The following ROBO2 variants were observed in gnomAD, a reference collection of about 807,000 sequenced individuals.
The protein encoded by ROBO2 is roundabout homolog 2.
ROBO2 carries 53 observed loss-of-function variants against 160.8 expected under a neutral mutation model. The observed-to-expected ratio is 0.33, with a 90% CI of 0.26 to 0.41. ROBO2 has a LOEUF of 0.41. Ranked by LOEUF, ROBO2 falls within the 10% of genes least tolerant of loss-of-function variation. The pLI is 1.00. For missense variants in ROBO2, 1,577 were observed against 1,722.4 expected, an observed-to-expected ratio of 0.92 and a Z score of 1.49; for synonymous variants, 664 against 611.7, an observed-to-expected ratio of 1.09 and a Z score of -1.26.
chr3:76,507,578 A>G (rs974805365), intron 2 of ROBO2, among the ~76,000 whole-genome samples: 2 of 152,124 alleles, frequency 1.3e-5, no homozygotes, highest in Non-Finnish European at 2.9e-5. Flanking sequence ...AACCAGCTAT[A>G]AAAGAGCTTA....
intron 2 of ROBO2, among the ~76,000 whole-genome samples, chr3:76,592,265 C>G (rs1327702885): frequency 6.6e-6 from 1 of 151,982 alleles, no homozygotes; most frequent in African/African-American, 2.4e-5. Context: ...GGGTTGTTTT[C>G]CCTGTACAGA....
chr3:76,734,348 C>T (rs1352113687), intron 2 of ROBO2, among the ~76,000 whole-genome samples: 1 of 152,114 alleles, frequency 6.6e-6, no homozygotes, highest in African/African-American at 2.4e-5. Context: ...TTAGTGATTG[C>T]CCAATGACAA....
At chr3:77,329,226 A>T (rs528057951) in intron 2 of ROBO2, among the ~76,000 whole-genome samples, 49 of 152,324 alleles carry the variant, frequency 3.2e-4, no homozygotes, top group Non-Finnish European at 6.2e-4. Flanking sequence ...AGCTTTTAAG[A>T]AAAAGAGGAA....
chr3:77,147,049 T>C (rs2077178733), intron 2 of ROBO2, among the ~76,000 whole-genome samples: 1 of 152,210 alleles, frequency 6.6e-6, no homozygotes, highest in Non-Finnish European at 1.5e-5. Context: ...CTGGGATATA[T>C]GCAATATGCA....
In ROBO2 at chr3:77,215,035, G is replaced by A. The variant is rs904434580; in HGVS notation, c.388+116695G>A. Among the ~76,000 whole-genome samples the A allele has an allele frequency of 1.8e-3, 278 of 152,144 alleles. 2 individuals carry two copies. Among genetic ancestry groups the A allele is most frequent in the Non-Finnish European group, 3.5e-3 (235 of 68,006 alleles). The stretch of plus-strand genomic sequence containing the variant: ...ACATTTTTTCCTTCATTTCAACTTT[G>A]GTGAATCTGACAATTATGTGTCTTG... On this transcript the variant is annotated intron_variant, in intron 2 of 25. Transcript: ENST00000461745.
chr3:76,883,495 G>T (rs1486531326), intron 2 of ROBO2, among the ~76,000 whole-genome samples: 2 of 152,104 alleles, frequency 1.3e-5, no homozygotes, highest in African/African-American at 2.4e-5. Context: ...GAATAATGAG[G>T]TGACTTCGGT....
intron 2 of ROBO2, among the ~76,000 whole-genome samples, chr3:76,918,620 GT>G (rs1160685442): frequency 1.3e-5 from 2 of 152,164 alleles, no homozygotes; most frequent in South Asian, 2.1e-4. Context: ...TTGATCATGA[GT>G]TTTTTTGGTT....
At chr3:77,085,151 C>G (rs1014721093) in intron 1 of ROBO2, among the ~76,000 whole-genome samples, 1 of 152,102 alleles carries the variant, frequency 6.6e-6, no homozygotes, top group Non-Finnish European at 1.5e-5. Context: ...AGTTTGCAAT[C>G]TAAATGTAAC....
intron 2 of ROBO2, chr3:76,434,456 G>C: frequency 1.0e-5 from 16 of 1,553,384 alleles, no homozygotes; most frequent in Non-Finnish European, 1.4e-5. Flanking sequence ...TGGCACTTAT[G>C]TGAAAGAAAT....
intron 2 of ROBO2, among the ~76,000 whole-genome samples, chr3:76,050,519 C>T (rs1178098428): frequency 6.6e-6 from 1 of 152,140 alleles, no homozygotes; most frequent in Admixed American, 6.5e-5. Context: ...TTCATGTATA[C>T]ATCTATCCTA....
intron 2 of ROBO2, among the ~76,000 whole-genome samples, chr3:77,448,599 G>A (rs62251060): frequency 0.08 from 12,169 of 151,366 alleles, 563 homozygotes; most frequent in African/African-American, 0.11. Flanking sequence ...TTTATTATGC[G>A]TAAGGACAGG....
At chr3:77,247,432 TA>T (rs1233428348) in intron 2 of ROBO2, among the ~76,000 whole-genome samples, 3 of 152,134 alleles carry the variant, frequency 2.0e-5, no homozygotes, top group Non-Finnish European at 4.4e-5. Flanking sequence ...CTGAGTGCTT[TA>T]AAAAAAGAGC....
chr3:77,494,873 C>G (rs1277334825), intron 5 of ROBO2, among the ~76,000 whole-genome samples: 2 of 152,152 alleles, frequency 1.3e-5, no homozygotes, highest in Non-Finnish European at 2.9e-5. Flanking sequence ...AGGAATAAAA[C>G]AAGTGAAAAC....
intron 2 of ROBO2, among the ~76,000 whole-genome samples, chr3:76,001,160 A>T (rs971114793): frequency 6.6e-6 from 1 of 152,220 alleles, no homozygotes; most frequent in African/African-American, 2.4e-5. Flanking sequence ...ATTAGCACTA[A>T]CGAAGCACAA....
chr3:77,207,188 T>G (rs757285317), intron 2 of ROBO2, among the ~76,000 whole-genome samples: 1 of 152,218 alleles, frequency 6.6e-6, no homozygotes, highest in African/African-American at 2.4e-5. Flanking sequence ...ACTTACCACT[T>G]ATCTGCTTCT....
chr3:76,931,967 C>A (rs141986721), intron 2 of ROBO2, among the ~76,000 whole-genome samples: 6 of 152,256 alleles, frequency 3.9e-5, no homozygotes, highest in African/African-American at 1.4e-4. Flanking sequence ...AGGCGTGAGC[C>A]ACCGCACCCT....
At chr3:76,695,581 A>T (rs1576037272) in intron 2 of ROBO2, among the ~76,000 whole-genome samples, 2 of 152,314 alleles carry the variant, frequency 1.3e-5, no homozygotes, top group African/African-American at 4.8e-5. Context: ...AATTCATATT[A>T]TATGGCATTT....
At chr3:76,110,752 A>G (rs887211923) in intron 2 of ROBO2, among the ~76,000 whole-genome samples, 2 of 152,134 alleles carry the variant, frequency 1.3e-5, no homozygotes, top group African/African-American at 4.8e-5. Context: ...ACAACTAAAA[A>G]AAGTATTAAG....
intron 2 of ROBO2, among the ~76,000 whole-genome samples, chr3:76,069,486 A>G (rs1439824554): frequency 2.0e-5 from 3 of 151,300 alleles, no homozygotes; most frequent in African/African-American, 7.3e-5. Context: ...TCCTATTTGC[A>G]TCTAGAGCTG....
Sources: gnomAD v4.1 joint callset for allele counts (sites outside exome capture counted in the v4.1 genomes callset) on GRCh38, gnomAD v4.1.1 for gene constraint, MANE v1.5 for transcripts, NCBI Gene and HGNC (gene_info 2026-07-23, HGNC 2026-07-21) for gene names.